The following CNBD2 variants were observed in gnomAD, a reference collection of about 807,000 sequenced individuals.
CNBD2 encodes the protein cyclic nucleotide binding domain containing 2.
A neutral mutation model predicts 63.7 loss-of-function variants in CNBD2; 64 were observed. That is an observed-to-expected ratio of 1.00 (90% confidence interval 0.82 to 1.24). The LOEUF (loss-of-function observed/expected upper bound fraction) is 1.24, where lower values mean the gene tolerates loss of function less well. CNBD2 is among the 50% of genes most tolerant of loss of function. The probability of loss-of-function intolerance (pLI) is 0.00; values close to 1 mark genes in which losing one functional copy is unlikely to be tolerated. For missense variants in CNBD2, 691 were observed against 713.5 expected (o/e 0.97, Z 0.36); for synonymous variants, 229 against 255.4 (o/e 0.90, Z 0.99).
intron 8 of CNBD2, among the ~76,000 whole-genome samples, chr20:35,996,454 A>G (rs992174395): frequency 1.3e-5 from 2 of 150,468 alleles, no homozygotes; most frequent in African/African-American, 4.9e-5. Context: ...TGTTTATTAT[A>G]TTGGGCTTGA....
intron 8 of CNBD2, among the ~76,000 whole-genome samples, chr20:35,995,527 T>A (rs181607218): frequency 1.3e-5 from 2 of 152,340 alleles, no homozygotes; most frequent in African/African-American, 4.8e-5. Context: ...ATTATTTGGC[T>A]TTTTGCATCT....
At chr20:36,013,251 T>C (rs577958599) in intron 10 of CNBD2, among the ~76,000 whole-genome samples, 2 of 152,118 alleles carry the variant, frequency 1.3e-5, no homozygotes, top group African/African-American at 4.8e-5. Context: ...ACCGCGTCTC[T>C]ACTAAAAATA....
chr20:36,002,835 T>A (rs1000533295), intron 8 of CNBD2, among the ~76,000 whole-genome samples: 4 of 152,120 alleles, frequency 2.6e-5, no homozygotes, highest in Non-Finnish European at 5.9e-5. Context: ...TTCAAAAAAA[T>A]TATTTGTCTC....
intron 8 of CNBD2, among the ~76,000 whole-genome samples, chr20:35,996,801 C>T (rs1362019344): frequency 6.6e-6 from 1 of 152,192 alleles, no homozygotes; most frequent in Non-Finnish European, 1.5e-5. Context: ...AGCCACCGCA[C>T]CTGGCCTAAT....
At chr20:35,974,161 C>A (rs1273146750) in intron 2 of CNBD2, 1 of 153,676 alleles carries the variant, frequency 6.5e-6, no homozygotes, top group African/African-American at 2.4e-5. Flanking sequence ...AAAGATACAC[C>A]TCATCTAAAG....
chr20:35,976,152 C>T (rs550307483), intron 3 of CNBD2, 150 bp downstream of exon 3: 12 of 651,202 alleles, frequency 1.8e-5, no homozygotes, highest in African/African-American at 1.6e-4. Context: ...TTCGTTTCCT[C>T]ATCAATAAAA....
chr20:35,955,587 T>G (rs1172141572), downstream of CNBD2, among the ~76,000 whole-genome samples: 1 of 152,142 alleles, frequency 6.6e-6, no homozygotes, highest in Non-Finnish European at 1.5e-5. Flanking sequence ...CTTGTTTTTA[T>G]TAGGTAAACT....
At chr20:35,971,796 T>C (rs2056422383) in intron 1 of CNBD2, among the ~76,000 whole-genome samples, 1 of 152,226 alleles carries the variant, frequency 6.6e-6, no homozygotes, top group Non-Finnish European at 1.5e-5. Context: ...TGAATCTTTA[T>C]TAATCTAGAG....
chr20:35,998,167 G>T (rs748427773), intron 8 of CNBD2, among the ~76,000 whole-genome samples: 1 of 149,164 alleles, frequency 6.7e-6, no homozygotes, highest in South Asian at 2.1e-4. Context: ...TCAGCCTCCC[G>T]AGTAGCTGGG....
At chr20:35,988,344 T>C (rs760900595) in intron 7 of CNBD2, among the ~76,000 whole-genome samples, 7 of 151,882 alleles carry the variant, frequency 4.6e-5, no homozygotes, top group Non-Finnish European at 8.8e-5. Context: ...TTTTTTTTTG[T>C]ATTTTTAGTA....
At chr20:36,021,309 A>G (rs746794196) in intron 10 of CNBD2, among the ~76,000 whole-genome samples, 1 of 152,212 alleles carries the variant, frequency 6.6e-6, no homozygotes, top group Admixed American at 6.5e-5. Flanking sequence ...CCAAGCACAG[A>G]AAGACAAATA....
intron 6 of CNBD2, among the ~76,000 whole-genome samples, chr20:35,985,841 C>T (rs903149019): frequency 6.6e-6 from 1 of 152,316 alleles, no homozygotes. Context: ...TATACCCCCT[C>T]AGACAGTAAG....
chr20:35,982,159 G>A (rs1166754473), intron 4 of CNBD2, among the ~76,000 whole-genome samples: 1 of 152,182 alleles, frequency 6.6e-6, no homozygotes, highest in East Asian at 1.9e-4. Context: ...GTGGCAGTGT[G>A]GAGGGGGAGG....
downstream of CNBD2, among the ~76,000 whole-genome samples, chr20:35,957,977 G>C (rs187674755): frequency 9.2e-5 from 14 of 152,324 alleles, no homozygotes; most frequent in Middle Eastern, 3.4e-3. Flanking sequence ...GTGGATTGCA[G>C]ACCATCCCTG....
intron 11 of CNBD2, among the ~76,000 whole-genome samples, chr20:36,027,086 G>GTTAGCATCTTCTGTATTTCCTT (rs1426622910): frequency 3.7e-4 from 57 of 152,344 alleles, no homozygotes; most frequent in Admixed American, 3.3e-3. Context: ...AGCAATCCCA[G>GTTAGCATCTTCTGTATTTCCTT]TTAGCATCTT....
Position 35,962,674 on chromosome 20 carries a change from C to T in CNBD2, c.228+4900C>T, listed in dbSNP as rs79585384. ...ATTTATAGAAGATCCTGTGATTATT[C>T]TCCTTAGCTATGTTAACATAATGAA... On this transcript the variant is annotated intron_variant, in intron 2 of 4. Transcript: ENST00000622112. Among the ~76,000 whole-genome samples, 183 of 152,330 alleles carry T rather than the reference C, an allele frequency of 1.2e-3. 3 individuals are homozygous for T. In the East Asian group the frequency reaches 0.033, roughly 27 times the overall value.
upstream of CNBD2, among the ~76,000 whole-genome samples, chr20:35,965,856 A>C (rs999935844): frequency 6.6e-6 from 1 of 152,094 alleles, no homozygotes; most frequent in African/African-American, 2.4e-5. Flanking sequence ...TTCTTCCCCA[A>C]AGCTGATCTA....
At chr20:35,990,090 A>G (rs1434663083) in intron 7 of CNBD2, among the ~76,000 whole-genome samples, 1 of 152,116 alleles carries the variant, frequency 6.6e-6, no homozygotes, top group Non-Finnish European at 1.5e-5. Context: ...ATACTATGCA[A>G]TTGTGAGCAT....
chr20:35,983,337 A>G (rs2056622037), intron 4 of CNBD2, among the ~76,000 whole-genome samples: 1 of 152,130 alleles, frequency 6.6e-6, no homozygotes, highest in African/African-American at 2.4e-5. Context: ...AAGAATAAAT[A>G]TCGAAAGAAT....
Sources: allele counts gnomAD v4.1 joint callset (sites outside exome capture counted in the v4.1 genomes callset), GRCh38; gene constraint gnomAD v4.1.1; transcripts MANE v1.5; gene names NCBI Gene and HGNC (gene_info 2026-07-23, HGNC 2026-07-21).